The following LONRF1 variants were observed in gnomAD, a reference collection of about 807,000 sequenced individuals.
LONRF1 encodes LON peptidase N-terminal domain and ring finger 1.
Under a neutral mutation model 85.8 loss-of-function variants are expected in LONRF1, and 37 were observed. That is an observed-to-expected ratio of 0.43 (90% confidence interval 0.33 to 0.57). The LOEUF is 0.57. Among genes scored for constraint, LONRF1 ranks in the 20% least tolerant of loss-of-function variants. LONRF1 has a pLI of 0.04. For synonymous variants in LONRF1, 517 were observed against 390.1 expected (o/e 1.33, Z -3.83); for missense variants, 1,036 against 978.0 (o/e 1.06, Z -0.79).
chr8:12,729,384 G>A lies in LONRF1; in HGVS notation c.1689-52C>T, dbSNP rs145294971. ...GAATTCATACAAGAAAAATATTACC[G>A]AACACATACAAAAAATGAGTGAGGT... On this transcript the variant is annotated intron_variant, in intron 8 of 11. Transcript: ENST00000398246. The A allele has an allele frequency of 9.7e-5, 151 of 1,550,118 alleles. No homozygotes were observed. The African/African-American group carries it at 1.4e-3, about 14-fold the overall frequency.
intron 1 of LONRF1, among the ~76,000 whole-genome samples, chr8:12,749,543 T>C (rs531943085): frequency 6.6e-6 from 1 of 152,226 alleles, no homozygotes; most frequent in Non-Finnish European, 1.5e-5. Flanking sequence ...AACAGAAAAA[T>C]GATTCTGAAT....
intron 3 of LONRF1, 65 bp downstream of exon 3, chr8:12,740,807 CTT>C: frequency 2.2e-6 from 3 of 1,383,302 alleles, no homozygotes; most frequent in Non-Finnish European, 2.0e-6. Context: ...CTTTTATTAG[CTT>C]TTTTTTTTAA....
Position 12,748,216 on chromosome 8 carries a change from G to C in LONRF1, c.722-4934C>G, listed in dbSNP as rs115286583. Among the ~76,000 whole-genome samples the C allele has an allele frequency of 6.5e-3, 993 of 152,154 alleles. 8 individuals are homozygous for C. Among genetic ancestry groups the C allele is most frequent in the African/African-American group, 0.023 (954 of 41,498 alleles). On this transcript the variant is annotated intron_variant, in intron 1 of 11. Transcript: ENST00000398246. ...TTTATTGCTTGTACTTTATTTATTT[G>C]AGAAAAGATCTAAGATCTCACTCTG...
In LONRF1 at chr8:12,740,934, G is replaced by C. The variant is rs374753934; in HGVS notation, c.903C>G (p.Leu301=). The change falls in exon 3 of 12, where the codon CTC becomes CTG. Residue 301 remains leucine (L), a synonymous_variant. Coordinates refer to ENST00000398246, the MANE Select transcript of LONRF1 (RefSeq NM_152271.5). The part of the protein sequence containing the change: ...DAGFLGDALQ[L]FLQCLALDED... Reference sequence around the variant, plus strand: ...CATCAAGGGCTAAGCACTGAAGAAAGAGTTGTAAGGCATCACCTAAAAAAC... The same window carrying C: ...CATCAAGGGCTAAGCACTGAAGAAACAGTTGTAAGGCATCACCTAAAAAAC... 5.5e-5 allele frequency: 88 copies of C among 1,613,460 alleles called. No individual in the cohort carries two copies. The highest frequency in any genetic ancestry group is 8.0e-5 in the African/African-American group (6 of 74,862).
At chr8:12,744,501 T>A (rs945783937) in intron 1 of LONRF1, among the ~76,000 whole-genome samples, 5 of 152,198 alleles carry the variant, frequency 3.3e-5, no homozygotes, top group Non-Finnish European at 7.3e-5. Context: ...TCAATATGAT[T>A]AATCAATCAA....
At chr8:12,723,960 G>T (rs1204469682) in intron 11 of LONRF1, among the ~76,000 whole-genome samples, 1 of 152,128 alleles carries the variant, frequency 6.6e-6, no homozygotes, top group Non-Finnish European at 1.5e-5. Context: ...TTCCATAAAA[G>T]GACTTGTAAG....
In LONRF1 at chr8:12,732,479, C is replaced by T. The variant is rs374052914; in HGVS notation, c.1567-622G>A. ...TTCCTGTATGATCCATCTACCCCAG[C>T]TCTATATAAAATCTTACATTTGCGC... On this transcript the variant is annotated intron_variant, in intron 7 of 11. Transcript: ENST00000398246. Among the ~76,000 whole-genome samples, 52 of 152,262 alleles carry T rather than the reference C, an allele frequency of 3.4e-4. 1 individual carries two copies. The South Asian group carries it at 0.011, about 31-fold the overall frequency.
chr8:12,752,929 A>C (rs2117362807), intron 1 of LONRF1: 2 of 152,364 alleles, frequency 1.3e-5, no homozygotes, highest in South Asian at 4.1e-4. Context: ...GTTTAGGAGA[A>C]GCGGAAGATA....
chr8:12,747,264 A>G (rs546574900), intron 1 of LONRF1, among the ~76,000 whole-genome samples: 1 of 152,298 alleles, frequency 6.6e-6, no homozygotes, highest in South Asian at 2.1e-4. Flanking sequence ...CATGGGTTGA[A>G]GAGAGAGTTT....
At position 12,736,951 on chromosome 8, in the gene LONRF1, G is replaced by C. The variant is rs749679345; in HGVS notation, c.1303C>G (p.Gln435Glu). The change falls in exon 5 of 12, where the codon CAG becomes GAG. Residue 435 changes from glutamine (Q) to glutamate (E), a missense_variant. Gln to Glu is a conservative substitution (Grantham distance 29, BLOSUM62 2). Coordinates refer to ENST00000398246, the MANE Select transcript of LONRF1 (RefSeq NM_152271.5). ...LLKRKLSLLEQDVIVNEDGRN... is the reference protein window; with the variant it reads ...LLKRKLSLLEEDVIVNEDGRN... ...CCATCTTCATTTACAATCACATCCT[G>C]TTCTAAAAGAGACAACTTTCTTTTC... 3.7e-6 allele frequency: 6 copies of C among 1,613,272 alleles called. No individual in the cohort carries two copies. The South Asian group carries it at 5.5e-5, about 15-fold the overall frequency.
At chr8:12,746,444 G>C (rs1799156320) in intron 1 of LONRF1, among the ~76,000 whole-genome samples, 1 of 151,962 alleles carries the variant, frequency 6.6e-6, no homozygotes, top group African/African-American at 2.4e-5. Flanking sequence ...TCTTTATCTT[G>C]ATAAGTTTTT....
chr8:12,742,992 C>T (rs1798999227), intron 2 of LONRF1, among the ~76,000 whole-genome samples, 172 bp downstream of exon 2: 1 of 152,164 alleles, frequency 6.6e-6, no homozygotes, highest in African/African-American at 2.4e-5. Flanking sequence ...TCCCAAATTG[C>T]TAGGATTATG....
chr8:12,751,879 C>T (rs1444649789), intron 1 of LONRF1, among the ~76,000 whole-genome samples: 3 of 152,110 alleles, frequency 2.0e-5, no homozygotes, highest in African/African-American at 4.8e-5. Context: ...AAAAACTTTA[C>T]ATAATATCCC....
At chr8:12,732,838 A>G (rs556437983) in intron 7 of LONRF1, among the ~76,000 whole-genome samples, 74 of 152,346 alleles carry the variant, frequency 4.9e-4, no homozygotes, top group African/African-American at 1.8e-3. Context: ...GTACAAAGAA[A>G]ATGCCCAATA....
At chr8:12,724,676 T>A (rs1806086669) in intron 11 of LONRF1, among the ~76,000 whole-genome samples, 1 of 152,240 alleles carries the variant, frequency 6.6e-6, no homozygotes, top group African/African-American at 2.4e-5. Context: ...GGAAAAGTTA[T>A]GCTGAATTTT....
At chr8:12,728,740 G>C (rs1351324564) in intron 10 of LONRF1, among the ~76,000 whole-genome samples, 161 bp downstream of exon 10, 1 of 152,190 alleles carries the variant, frequency 6.6e-6, no homozygotes, top group Non-Finnish European at 1.5e-5. Context: ...AACAGTTTCA[G>C]AGCAAGATAC....
intron 1 of LONRF1, among the ~76,000 whole-genome samples, chr8:12,748,175 A>G (rs1453734066): frequency 6.6e-6 from 1 of 152,134 alleles, no homozygotes; most frequent in African/African-American, 2.4e-5. Context: ...TTTGCTATAC[A>G]GTATGTAGAA....
Position 12,723,042 on chromosome 8 carries a change from GGCCATCAAT to G in LONRF1, c.*45_*53del. On this transcript the variant is annotated 3_prime_UTR_variant, in exon 12 of 12. Transcript: ENST00000398246. ...GATGTGCAAAGGCAGCAGACAATCT[GGCCATCAAT>G]GCAGCCAGATTAGGGTCACTTTAAA... The G allele has an allele frequency of 2.0e-6, 3 of 1,465,570 alleles. No homozygotes were observed. Among genetic ancestry groups the G allele is most frequent in the Non-Finnish European group, 2.8e-6 (3 of 1,089,688 alleles). The allele number at this position is 1,465,570 out of a possible 1,614,324, so 90.8% of individuals were successfully genotyped here.
chr8:12,736,135 A>T (rs1373016638), intron 6 of LONRF1, among the ~76,000 whole-genome samples: 1 of 152,114 alleles, frequency 6.6e-6, no homozygotes, highest in African/African-American at 2.4e-5. Context: ...GCCTAGTGTG[A>T]CCAGCACTAG....
Sources: gnomAD v4.1 joint callset for allele counts (sites outside exome capture counted in the v4.1 genomes callset) on GRCh38, gnomAD v4.1.1 for gene constraint, MANE v1.5 for transcripts, NCBI Gene and HGNC (gene_info 2026-07-23, HGNC 2026-07-21) for gene names.